DGKD: variants seen among roughly 807,000 people sequenced by gnomAD.
DGKD encodes the protein diacylglycerol kinase delta.
In DGKD, 68 loss-of-function variants were observed where a neutral mutation model predicts 154.4. That is an observed-to-expected ratio of 0.44 (90% CI 0.36 to 0.54). The LOEUF (loss-of-function observed/expected upper bound fraction) is 0.54, where lower values mean the gene tolerates loss of function less well. Among genes scored for constraint, DGKD ranks in the 20% least tolerant of loss-of-function variants. The pLI, the probability that DGKD is intolerant of heterozygous loss-of-function variation, is 0.00. For missense variants in DGKD, 1,343 were observed against 1,593.6 expected (o/e 0.84, Z 2.68); for synonymous variants, 693 against 638.0 (o/e 1.09, Z -1.30).
intron 17 of DGKD, among the ~76,000 whole-genome samples, chr2:233,451,347 A>G (rs2063286559): frequency 6.6e-6 from 1 of 152,054 alleles, no homozygotes; most frequent in Non-Finnish European, 1.5e-5. Flanking sequence ...TCTGAGTGGA[A>G]AAGGGAGGTG....
intron 1 of DGKD, among the ~76,000 whole-genome samples, chr2:233,371,575 G>A (rs912030290): frequency 3.3e-5 from 5 of 152,142 alleles, no homozygotes; most frequent in South Asian, 4.1e-4. Flanking sequence ...TTTGTTGCTC[G>A]TGCTTTTGGT....
At chr2:233,370,581 T>TG (rs1370541948) in intron 1 of DGKD, among the ~76,000 whole-genome samples, 1 of 150,648 alleles carries the variant, frequency 6.6e-6, no homozygotes, top group African/African-American at 2.4e-5. Flanking sequence ...TTTTTTTTTT[T>TG]TTTTTTTTGT....
intron 1 of DGKD, among the ~76,000 whole-genome samples, chr2:233,370,601 T>G (rs1447374965): frequency 7.2e-6 from 1 of 138,884 alleles, no homozygotes; most frequent in Non-Finnish European, 1.5e-5. Context: ...TTTGAGTGAA[T>G]AATACTCTGT....
In DGKD at chr2:233,470,410, C is replaced by G. The variant is rs1015998352; in HGVS notation, c.*950C>G. On this transcript the variant is annotated 3_prime_UTR_variant, in exon 30 of 30. Transcript: ENST00000264057. ...CAGGGGTGGTTTGACCTCTTCAGCC[C>G]GTCCGGTGGCCTGGAGGCCGGAGGC... The G allele has an allele frequency of 6.6e-6, 1 of 152,450 alleles. No individual in the cohort carries two copies. The highest frequency in any genetic ancestry group is 1.9e-4 in the East Asian group (1 of 5,298). 9.4% of individuals were successfully genotyped at this position (152,450 alleles called of 1,614,324 possible).
chr2:233,447,787 G>C, intron 12 of DGKD: 2 of 1,159,236 alleles, frequency 1.7e-6, no homozygotes, highest in Non-Finnish European at 2.1e-6. Context: ...GTCAGGATGA[G>C]TAGGGGTCAG....
At chr2:233,373,044 C>T (rs772459204) in intron 1 of DGKD, among the ~76,000 whole-genome samples, 2 of 152,172 alleles carry the variant, frequency 1.3e-5, no homozygotes, top group East Asian at 1.9e-4. Context: ...GTACTGCGGG[C>T]GGGTCCCGTG....
At chr2:233,388,808 A>T (rs938568241) in intron 2 of DGKD, 1 of 128,956 alleles carries the variant, frequency 7.8e-6, no homozygotes, top group Admixed American at 9.9e-5. Context: ...TGCAGTGGCG[A>T]GATCTCGGCT....
At chr2:233,402,617 C>G (rs1254780560) in intron 3 of DGKD, among the ~76,000 whole-genome samples, 1 of 152,190 alleles carries the variant, frequency 6.6e-6, no homozygotes, top group Non-Finnish European at 1.5e-5. Flanking sequence ...GTGGGCCAGG[C>G]TCCCCCTTTT....
At chr2:233,442,239 G>A in intron 10 of DGKD, 1 of 631,724 alleles carries the variant, frequency 1.6e-6, no homozygotes. Context: ...AGGGAGCTAC[G>A]AAAAGAATTG....
intron 3 of DGKD, among the ~76,000 whole-genome samples, chr2:233,424,687 TG>T (rs902284145): frequency 6.6e-6 from 1 of 152,178 alleles, no homozygotes; most frequent in Non-Finnish European, 1.5e-5. Context: ...CCCCCCTGCC[TG>T]GTGTCCTGGC....
At chr2:233,400,843 C>A (rs2061541900) in intron 3 of DGKD, among the ~76,000 whole-genome samples, 1 of 152,150 alleles carries the variant, frequency 6.6e-6, no homozygotes, top group South Asian at 2.1e-4. Context: ...GTTGTTGCAG[C>A]TGAGTGTGTG....
intron 3 of DGKD, among the ~76,000 whole-genome samples, chr2:233,431,393 G>A (rs1003498126): frequency 9.2e-5 from 14 of 152,108 alleles, no homozygotes; most frequent in Non-Finnish European, 1.3e-4. Context: ...GAAAATGTTC[G>A]TATTACCCAA....
At position 233,451,000 on chromosome 2, in the gene DGKD, C is replaced by T. The variant is rs1338870295; in HGVS notation, c.2117C>T (p.Pro706Leu). Residue 706 changes from proline to leucine, a missense_variant, in exon 17 of 30, where the codon CCG becomes CTG. Transcript: ENST00000264057. ...LGSSASLPPQ[P>L]GSRDGLPALN... ...AGTTCTGCTTCCCTTCCGCCCCAGC[C>T]GGGAAGCCGGGACGGCCTGCCTGCG... is the stretch of plus-strand genomic sequence containing the variant. 1.3e-5 allele frequency: 21 copies of T among 1,612,222 alleles called. No homozygotes were observed. The highest frequency in any genetic ancestry group is 5.3e-5 in the African/African-American group (4 of 74,890).
intron 3 of DGKD, chr2:233,419,098 G>A (rs1235854737): frequency 2.6e-6 from 1 of 381,604 alleles, no homozygotes; most frequent in African/African-American, 2.2e-5. Flanking sequence ...ACAGCAGGAT[G>A]TGAGTAACAG....
At chr2:233,411,172 G>A (rs1559515527) in intron 3 of DGKD, among the ~76,000 whole-genome samples, 2 of 152,164 alleles carry the variant, frequency 1.3e-5, no homozygotes, top group African/African-American at 2.4e-5. Flanking sequence ...AGTCTTTTGT[G>A]TGGACATATT....
intron 10 of DGKD, 187 bp downstream of exon 10, chr2:233,442,182 TTGTGGAGGCCCGGGGGCTCTGGCCATGA>T: frequency 1.4e-6 from 1 of 698,662 alleles, no homozygotes; most frequent in Non-Finnish European, 2.6e-6. Context: ...CCCCCTGGCA[TTGTGGAGGCCCGGGGGCTCTGGCCATGA>T]TGTATGAGGG....
At chr2:233,405,776 C>T (rs751191376) in intron 3 of DGKD, among the ~76,000 whole-genome samples, 4 of 152,208 alleles carry the variant, frequency 2.6e-5, no homozygotes, top group African/African-American at 4.8e-5. Context: ...TATTCTGTTA[C>T]AGCAGCGCAA....
chr2:233,439,715 C>T (rs1229629931), intron 9 of DGKD, among the ~76,000 whole-genome samples: 2 of 152,062 alleles, frequency 1.3e-5, no homozygotes, highest in Non-Finnish European at 2.9e-5. Context: ...GTGTGTACCA[C>T]TATGCCCAGC....
Position 233,386,067 on chromosome 2 carries a change from A to G in DGKD, c.157-2190A>G, listed in dbSNP as rs534532501. On this transcript the variant is annotated intron_variant, in intron 1 of 29. Coordinates refer to ENST00000264057, the MANE Select transcript of DGKD (RefSeq NM_152879.3). ...ATTTTGCTTTTCTTTTATGTATGAGATGTGTAGCAGGAGATGCAAGAAAAA... is the reference window on the plus strand; with the variant it reads ...ATTTTGCTTTTCTTTTATGTATGAGGTGTGTAGCAGGAGATGCAAGAAAAA... 6.3e-4 allele frequency: 286 copies of G among 454,550 alleles called. 2 individuals are homozygous for G. Among genetic ancestry groups the G allele is most frequent in the African/African-American group, 5.3e-3 (265 of 49,896 alleles). 28.2% of individuals were successfully genotyped at this position (454,550 alleles called of 1,614,324 possible). A position where few individuals can be genotyped will look rare whatever the true frequency, so the allele number is the denominator to read the frequency against.
Sources: gnomAD v4.1 joint callset for allele counts (sites outside exome capture counted in the v4.1 genomes callset) on GRCh38, gnomAD v4.1.1 for gene constraint, MANE v1.5 for transcripts, NCBI Gene and HGNC (gene_info 2026-07-23, HGNC 2026-07-21) for gene names.